Variants in AGPAT3 observed in about 807,000 individuals in gnomAD.
The protein encoded by AGPAT3 is 1-acylglycerol-3-phosphate O-acyltransferase 3, also known as 1-acyl-sn-glycerol-3-phosphate acyltransferase gamma.
In AGPAT3, 5 loss-of-function variants were observed where a neutral mutation model predicts 47.3. The observed-to-expected ratio is 0.11, with a 90% CI of 0.06 to 0.22. AGPAT3 has a LOEUF of 0.22. Ranked by LOEUF, AGPAT3 falls within the 10% of genes least tolerant of loss-of-function variation. The pLI, the probability that AGPAT3 is intolerant of heterozygous loss-of-function variation, is 1.00. For missense variants in AGPAT3, 315 were observed against 493.0 expected, an observed-to-expected ratio of 0.64 and a Z score of 3.42; for synonymous variants, 212 against 208.3, an observed-to-expected ratio of 1.02 and a Z score of -0.15.
intron 1 of AGPAT3, among the ~76,000 whole-genome samples, chr21:43,876,823 C>A (rs1180931781): frequency 1.3e-5 from 2 of 152,070 alleles, no homozygotes; most frequent in South Asian, 4.2e-4. Flanking sequence ...ATGCTTTTCA[C>A]CAGTTTTTGT....
chr21:43,871,297 C>T (rs1190745828), intron 1 of AGPAT3, among the ~76,000 whole-genome samples: 1 of 152,132 alleles, frequency 6.6e-6, no homozygotes, highest in Non-Finnish European at 1.5e-5. Context: ...CTGGAAACAG[C>T]GTTCTCTGAT....
intron 1 of AGPAT3, among the ~76,000 whole-genome samples, chr21:43,886,820 A>G (rs2085989196): frequency 6.6e-6 from 1 of 152,156 alleles, no homozygotes; most frequent in South Asian, 2.1e-4. Context: ...GTGTATAAGA[A>G]CCACATTTTC....
rs1349267335 is a variant in AGPAT3, at chr21:43,970,689, A to G, written c.547A>G (p.Thr183Ala). 1 of 1,613,766 alleles carries G rather than the reference A, an allele frequency of 6.2e-7. No homozygotes were observed. Among genetic ancestry groups the G allele is most frequent in the Non-Finnish European group, 8.5e-7 (1 of 1,179,850 alleles). The change falls in exon 6 of 10, where the codon ACC becomes GCC. Residue 183 changes from threonine (T) to alanine (A), a missense_variant. By Grantham distance (58) the Thr-to-Ala change is moderately conservative. Transcript: ENST00000291572. This position sits in a 1 kb window ranked among gnomAD's most constrained non-coding sequence, Gnocchi z 5.8. ...LYCEGTRFTE[T>A]KHRVSMEVAA... ...CTGCGAGGGGACGCGCTTCACGGAGACCAAGCACCGCGTTAGCATGGAGGT... is the reference window on the plus strand; with the variant it reads ...CTGCGAGGGGACGCGCTTCACGGAGGCCAAGCACCGCGTTAGCATGGAGGT...
chr21:43,872,863 C>T (rs960680543), intron 1 of AGPAT3, among the ~76,000 whole-genome samples: 2 of 152,214 alleles, frequency 1.3e-5, no homozygotes, highest in African/African-American at 4.8e-5. Context: ...CTCCTTGAAG[C>T]AGAGGAGGCC....
chr21:43,896,277 G>A (rs572225636), intron 1 of AGPAT3, among the ~76,000 whole-genome samples: 3 of 152,174 alleles, frequency 2.0e-5, no homozygotes, highest in African/African-American at 4.8e-5. Context: ...TTTTCCCCTC[G>A]TTTAAGCGTC....
chr21:43,918,356 C>G (rs1393564341), intron 2 of AGPAT3, among the ~76,000 whole-genome samples: 1 of 151,988 alleles, frequency 6.6e-6, no homozygotes, highest in East Asian at 1.9e-4. Flanking sequence ...TCCCCTGGAG[C>G]TCCTGAGCAC....
chr21:43,957,714 C>A (rs1022961658), intron 2 of AGPAT3, among the ~76,000 whole-genome samples: 3 of 148,234 alleles, frequency 2.0e-5, no homozygotes, highest in East Asian at 4.1e-4. Flanking sequence ...CCCCTCCACA[C>A]GGGGGTCTCT....
chr21:43,980,292 CAA>C (rs1054360752), intron 8 of AGPAT3, among the ~76,000 whole-genome samples: 1 of 117,444 alleles, frequency 8.5e-6, no homozygotes, highest in African/African-American at 4.5e-5. Flanking sequence ...AAAAAAAAAA[CAA>C]AAAAAAACGA....
At chr21:43,868,163 G>A (rs953012410) in intron 1 of AGPAT3, among the ~76,000 whole-genome samples, 2 of 152,192 alleles carry the variant, frequency 1.3e-5, no homozygotes, top group African/African-American at 2.4e-5. Flanking sequence ...TTTTGGAGGC[G>A]GGAAGGCCGA....
At chr21:43,971,872 G>A (rs1421120346) in intron 7 of AGPAT3, among the ~76,000 whole-genome samples, 5 of 152,282 alleles carry the variant, frequency 3.3e-5, no homozygotes, top group African/African-American at 9.6e-5. Flanking sequence ...CTGTCCCTTT[G>A]TGGGCTTTGT....
chr21:43,971,906 A>G (rs2089411574), intron 7 of AGPAT3, among the ~76,000 whole-genome samples: 1 of 152,046 alleles, frequency 6.6e-6, no homozygotes, highest in Non-Finnish European at 1.5e-5. Flanking sequence ...GGGCTCCATA[A>G]GTCTCCTGGG....
Position 43,978,063 on chromosome 21 carries a change from A to C in AGPAT3, c.785A>C (p.Asp262Ala). ...TAAAACAGGAGATTTCCTCTGGAAGACATCCCGCTGGATGAAAAGGAAGCA... is the reference window on the plus strand; with the variant it reads ...TAAAACAGGAGATTTCCTCTGGAAGCCATCCCGCTGGATGAAAAGGAAGCA... ...DMCVRRFPLE[D>A]IPLDEKEAAQ... Residue 262 changes from aspartate to alanine, a missense_variant, in exon 8 of 10, where the codon GAC becomes GCC. Asp to Ala is a moderately radical substitution (Grantham distance 126). Transcript: ENST00000291572. 10 of 1,613,484 alleles carry C rather than the reference A, an allele frequency of 6.2e-6. No homozygotes were observed. The highest frequency in any genetic ancestry group is 8.5e-6 in the Non-Finnish European group (10 of 1,179,784).
At chr21:43,916,430 A>G (rs918221532) in intron 2 of AGPAT3, 1 of 152,118 alleles carries the variant, frequency 6.6e-6, no homozygotes, top group Non-Finnish European at 1.5e-5. Context: ...TGGTACGAAC[A>G]TATCGAATGA....
chr21:43,959,881 C>G (rs754098620), intron 3 of AGPAT3, 22 bp downstream of exon 3: 2 of 1,588,350 alleles, frequency 1.3e-6, no homozygotes, highest in Non-Finnish European at 8.5e-7. Flanking sequence ...CTGGGCCAGT[C>G]CCTGCCGCCT....
chr21:43,975,373 C>A (rs2089574322), intron 7 of AGPAT3, among the ~76,000 whole-genome samples: 1 of 149,098 alleles, frequency 6.7e-6, no homozygotes, highest in South Asian at 2.1e-4. Context: ...GTGGCATGTG[C>A]TGGCATGTGT....
rs1359103578 is a variant in AGPAT3 at position 43,952,323 on chromosome 21, A to G, written c.-48-7311A>G. Among the ~76,000 whole-genome samples the G allele has an allele frequency of 2.0e-5, 3 of 152,264 alleles. No individual in the cohort carries two copies. The highest frequency in any genetic ancestry group is 3.4e-3 in the Middle Eastern group (1 of 294). ...TGGAATCAGCGCCCACCCTGATGAT[A>G]TCATTTAACTTAATTACTGTGTTAA... On this transcript the variant is annotated intron_variant, in intron 2 of 9. Coordinates refer to ENST00000291572, the MANE Select transcript of AGPAT3 (RefSeq NM_020132.5). This position sits in a 1 kb window ranked among gnomAD's most constrained non-coding sequence, Gnocchi z 5.6.
intron 2 of AGPAT3, among the ~76,000 whole-genome samples, chr21:43,953,156 G>T (rs139075155): frequency 9.9e-5 from 15 of 152,212 alleles, no homozygotes; most frequent in Non-Finnish European, 2.1e-4. Context: ...TGCCTTAGCC[G>T]CTTCAACACC....
At chr21:43,948,420 A>G (rs77465169) in intron 2 of AGPAT3, 61,814 of 151,502 alleles carry the variant, frequency 0.41, 13,019 homozygotes, top group East Asian at 0.6. Flanking sequence ...GACCCAGGGC[A>G]CATGCCCATC....
rs567542651 is a variant in AGPAT3, at chr21:43,980,422, C to G, written c.844-567C>G. 3.9e-5 allele frequency among the ~76,000 whole-genome samples: 6 copies of G among 152,366 alleles called. 1 individual carries two copies. In the South Asian group the frequency reaches 1.2e-3, roughly 32 times the overall value. ...ATCAGGCATGGTGATTTCCTGCCAG[C>G]CTGTGCCTTTGACATTCCCACCAGA... On this transcript the variant is annotated intron_variant, in intron 8 of 9. Transcript: ENST00000291572.
Sources: allele counts gnomAD v4.1 joint callset (sites outside exome capture counted in the v4.1 genomes callset), GRCh38; gene constraint gnomAD v4.1.1; non-coding constraint Gnocchi (gnomAD v3.1); transcripts MANE v1.5; gene names NCBI Gene and HGNC (gene_info 2026-07-23, HGNC 2026-07-21).